The following MAD1L1 variants were observed in gnomAD, a reference collection of about 807,000 sequenced individuals.
MAD1L1 encodes the protein mitotic spindle assembly checkpoint protein MAD1.
In MAD1L1, 95 loss-of-function variants were observed where a neutral mutation model predicts 96.9. That is an observed-to-expected ratio of 0.98 (90% CI 0.83 to 1.16). The LOEUF (loss-of-function observed/expected upper bound fraction) is 1.16. MAD1L1 is among the 50% of genes most tolerant of loss of function. The pLI, the probability that MAD1L1 is intolerant of heterozygous loss-of-function variation, is 0.00. For synonymous variants in MAD1L1, 473 were observed against 396.6 expected, an observed-to-expected ratio of 1.19 and a Z score of -2.29; for missense variants, 1,007 against 954.4, an observed-to-expected ratio of 1.06 and a Z score of -0.73.
At chr7:2,192,339 C>T (rs1637747) in intron 10 of MAD1L1, among the ~76,000 whole-genome samples, 6,432 of 152,118 alleles carry the variant, frequency 0.042, 276 homozygotes, top group African/African-American at 0.11. Flanking sequence ...ACCATGTTTG[C>T]CAGGCTGGTC....
At chr7:1,928,687 G>C (rs866556995) in intron 17 of MAD1L1, among the ~76,000 whole-genome samples, 1 of 152,252 alleles carries the variant, frequency 6.6e-6, no homozygotes, top group Admixed American at 6.5e-5. Context: ...GGCATTGCAC[G>C]GTGTTTGTAC....
intron 11 of MAD1L1, chr7:2,080,016 C>T (rs1401634936): frequency 3.3e-6 from 1 of 307,424 alleles, no homozygotes. Context: ...GTGCGTCCGT[C>T]AACCCTGTCA....
intron 11 of MAD1L1, among the ~76,000 whole-genome samples, chr7:2,084,749 C>T (rs1252223116): frequency 6.6e-6 from 1 of 152,146 alleles, no homozygotes; most frequent in South Asian, 2.1e-4. Flanking sequence ...CCCAGATAAC[C>T]CTGGGAGCCA....
At chr7:1,925,976 G>A (rs1789064487) in intron 17 of MAD1L1, among the ~76,000 whole-genome samples, 1 of 151,884 alleles carries the variant, frequency 6.6e-6, no homozygotes, top group Admixed American at 6.5e-5. Flanking sequence ...AGGTCTCTAA[G>A]GAGATCAGTG....
chr7:1,957,997 A>G (rs1303901661), intron 15 of MAD1L1, among the ~76,000 whole-genome samples: 1 of 152,226 alleles, frequency 6.6e-6, no homozygotes, highest in African/African-American at 2.4e-5. Context: ...CTGGAAGCAC[A>G]GAGGGAACCA....
At chr7:1,931,613 C>G (rs1023981821) in intron 17 of MAD1L1, among the ~76,000 whole-genome samples, 1 of 152,194 alleles carries the variant, frequency 6.6e-6, no homozygotes, top group Non-Finnish European at 1.5e-5. Context: ...GCTGACTTCC[C>G]GAGAGACAGC....
intron 11 of MAD1L1, among the ~76,000 whole-genome samples, chr7:2,122,868 G>A (rs1045263645): frequency 3.3e-5 from 5 of 152,226 alleles, no homozygotes; most frequent in African/African-American, 9.6e-5. Context: ...CGTCAGTGTG[G>A]GTGGTGACGG....
intron 11 of MAD1L1, among the ~76,000 whole-genome samples, chr7:2,139,320 A>C (rs1584410655): frequency 8.0e-6 from 1 of 125,178 alleles, no homozygotes; most frequent in East Asian, 2.7e-4. Context: ...TCACGGGACC[A>C]CCCTCCCTCT....
At chr7:2,217,065 G>C (rs1348422845) in intron 7 of MAD1L1, among the ~76,000 whole-genome samples, 3 of 152,172 alleles carry the variant, frequency 2.0e-5, no homozygotes, top group Admixed American at 6.5e-5. Flanking sequence ...TCTGTCTCAA[G>C]TCTGGTCCAG....
chr7:1,887,597 A>ATGTG, intron 18 of MAD1L1, among the ~76,000 whole-genome samples: 1 of 135,820 alleles, frequency 7.4e-6, no homozygotes, highest in Middle Eastern at 5.9e-3. Flanking sequence ...GTGACCATGC[A>ATGTG]TGCGTGTATG....
At chr7:1,940,348 T>TA (rs1200877356) in intron 16 of MAD1L1, 1 of 152,262 alleles carries the variant, frequency 6.6e-6, no homozygotes, top group Non-Finnish European at 1.5e-5. Flanking sequence ...AGACATCTTG[T>TA]AACTCTGGCT....
At position 1,892,631 on chromosome 7, in the gene MAD1L1, C is replaced by T. The variant is rs555231750; in HGVS notation, c.1998+5569G>A. ...TGGAACATTCCCGACTTCAGGTTTT[C>T]GAATCGGGGAGGCTGGACCTGTATA... On this transcript the variant is annotated intron_variant, in intron 18 of 18. Transcript: ENST00000265854. Among the ~76,000 whole-genome samples, 4 of 152,290 alleles carry T rather than the reference C, an allele frequency of 2.6e-5. No homozygotes were observed. In the South Asian group the frequency reaches 8.3e-4, roughly 32 times the overall value.
At chr7:1,992,198 C>T in intron 14 of MAD1L1, among the ~76,000 whole-genome samples, 1 of 151,946 alleles carries the variant, frequency 6.6e-6, no homozygotes, top group African/African-American at 2.4e-5. Flanking sequence ...GGTGCCTGAG[C>T]ACCTGCCCCA....
At chr7:1,915,467 C>T (rs970960822) in intron 17 of MAD1L1, among the ~76,000 whole-genome samples, 4 of 152,114 alleles carry the variant, frequency 2.6e-5, no homozygotes, top group African/African-American at 4.8e-5. Context: ...GTGCTGAGGA[C>T]GGTCAGGGGC....
At chr7:2,089,152 A>G (rs1786079314) in intron 11 of MAD1L1, 2 of 152,274 alleles carry the variant, frequency 1.3e-5, no homozygotes, top group Admixed American at 1.3e-4. Flanking sequence ...GAAGGCAGCC[A>G]CGGAGACACA....
chr7:1,940,986 T>TCCCCCCGCAGGC (rs1279399235), intron 16 of MAD1L1, among the ~76,000 whole-genome samples: 5 of 148,738 alleles, frequency 3.4e-5, no homozygotes, highest in South Asian at 2.1e-4. Context: ...CTCCTCTTCC[T>TCCCCCCGCAGGC]CTCCCAGGCC....
intron 11 of MAD1L1, among the ~76,000 whole-genome samples, chr7:2,139,232 G>A (rs940544543): frequency 1.3e-5 from 2 of 152,050 alleles, no homozygotes; most frequent in African/African-American, 2.4e-5. Flanking sequence ...GGATCACACG[G>A]CCCGACCCCC....
intron 11 of MAD1L1, among the ~76,000 whole-genome samples, chr7:2,090,981 C>G (rs1181717363): frequency 6.6e-6 from 1 of 152,216 alleles, no homozygotes; most frequent in Non-Finnish European, 1.5e-5. Context: ...CCCATTGAGT[C>G]ACGCCATCAT....
At position 2,172,203 on chromosome 7, in the gene MAD1L1, G is replaced by A. The variant is rs1040890189; in HGVS notation, c.987-22965C>T. On this transcript the variant is annotated intron_variant, in intron 10 of 18. Coordinates refer to ENST00000265854, the MANE Select transcript of MAD1L1 (RefSeq NM_001013836.2). ...GGAAAGGGCCTGGTGAGTGTTCTCTGCCATTATTCCTCACCACACAGCTTT... is the reference window on the plus strand; with the variant it reads ...GGAAAGGGCCTGGTGAGTGTTCTCTACCATTATTCCTCACCACACAGCTTT... Among the ~76,000 whole-genome samples, 3 of 152,298 alleles carry A rather than the reference G, an allele frequency of 2.0e-5. No individual in the cohort carries two copies. The East Asian group carries it at 5.8e-4, about 29-fold the overall frequency.
Sources: gnomAD v4.1 joint callset for allele counts (sites outside exome capture counted in the v4.1 genomes callset) on GRCh38, gnomAD v4.1.1 for gene constraint, MANE v1.5 for transcripts, NCBI Gene and HGNC (gene_info 2026-07-23, HGNC 2026-07-21) for gene names.